SIRPA: variants seen among roughly 807,000 people sequenced by gnomAD.
SIRPA encodes the protein signal regulatory protein alpha.
A neutral mutation model predicts 50.3 loss-of-function variants in SIRPA; 9 were observed. The ratio of observed to expected loss-of-function variants is 0.18; its 90% CI spans 0.11 to 0.31. The LOEUF (loss-of-function observed/expected upper bound fraction) is 0.31. Ranked by LOEUF, SIRPA falls within the 10% of genes least tolerant of loss-of-function variation. The probability of loss-of-function intolerance (pLI) is 1.00; values close to 1 mark genes in which losing one functional copy is unlikely to be tolerated. For synonymous variants in SIRPA, 265 were observed against 284.1 expected (o/e 0.93, Z 0.68); for missense variants, 474 against 661.6 (o/e 0.72, Z 3.11).
intron 5 of SIRPA, among the ~76,000 whole-genome samples, chr20:1,926,208 C>T (rs1985967977): frequency 6.6e-6 from 1 of 152,248 alleles, no homozygotes; most frequent in South Asian, 2.1e-4. Flanking sequence ...CCCTGCTTCT[C>T]CAGAATCTGC....
intron 2 of SIRPA, 75 bp downstream of exon 2, chr20:1,915,530 C>T: frequency 6.5e-7 from 1 of 1,536,842 alleles, no homozygotes; most frequent in African/African-American, 1.4e-5. Context: ...ATTCTTTGAG[C>T]AATGATCAGG....
intron 1 of SIRPA, among the ~76,000 whole-genome samples, chr20:1,908,219 A>G (rs59317774): frequency 0.37 from 56,380 of 151,684 alleles, 10,837 homozygotes; most frequent in East Asian, 0.68. Flanking sequence ...AGCTGGACAC[A>G]CTCCCGAACA....
chr20:1,918,957 C>T (rs1437842250), intron 2 of SIRPA, among the ~76,000 whole-genome samples: 2 of 152,236 alleles, frequency 1.3e-5, no homozygotes, highest in African/African-American at 2.4e-5. Flanking sequence ...CACCATGGGC[C>T]TCAGTGTCCT....
rs1294151978 is a variant in SIRPA, at chr20:1,937,248, A to G, written c.1267-72A>G. On this transcript the variant is annotated intron_variant, in intron 7 of 7. Coordinates refer to ENST00000358771, the MANE Select transcript of SIRPA (RefSeq NM_001040023.2). This position sits in a 1 kb window ranked among gnomAD's most constrained non-coding sequence, Gnocchi z 8.3. ...ACAGAAGCATCCAGACTTGGTATTC[A>G]GTTTGAGTGAGTGGGCCAGGGGCTA... 1 of 1,535,582 alleles carries G rather than the reference A, an allele frequency of 6.5e-7. No individual in the cohort carries two copies. The highest frequency in any genetic ancestry group is 1.2e-5 in the South Asian group (1 of 81,814).
chr20:1,922,887 G>A (rs1600438421), intron 4 of SIRPA, among the ~76,000 whole-genome samples: 3 of 152,278 alleles, frequency 2.0e-5, no homozygotes, highest in African/African-American at 7.2e-5. Context: ...GGAGGAAAGA[G>A]GGAGAGAGGG....
chr20:1,912,238 C>T (rs929738858), intron 1 of SIRPA, among the ~76,000 whole-genome samples: 9 of 152,212 alleles, frequency 5.9e-5, no homozygotes, highest in South Asian at 2.1e-4. Flanking sequence ...ACATGCTGCA[C>T]GCCTGACTCC....
intron 1 of SIRPA, among the ~76,000 whole-genome samples, chr20:1,909,126 T>G (rs1429197697): frequency 6.6e-6 from 1 of 152,252 alleles, no homozygotes; most frequent in Non-Finnish European, 1.5e-5. Flanking sequence ...CGGGTATCAC[T>G]GCAGCCACTT....
intron 1 of SIRPA, among the ~76,000 whole-genome samples, chr20:1,899,700 G>A (rs1984053321): frequency 6.6e-6 from 1 of 152,114 alleles, no homozygotes; most frequent in South Asian, 2.1e-4. Context: ...TCTCCACGCA[G>A]ACACACACCC....
At chr20:1,904,224 G>T (rs769591441) in intron 1 of SIRPA, among the ~76,000 whole-genome samples, 27 of 152,228 alleles carry the variant, frequency 1.8e-4, no homozygotes, top group Non-Finnish European at 3.8e-4. Flanking sequence ...TGCCAGGAGG[G>T]ATAGGAGGAG....
chr20:1,917,041 TACGTGG>T (rs1985347958), intron 2 of SIRPA, among the ~76,000 whole-genome samples: 1 of 152,102 alleles, frequency 6.6e-6, no homozygotes, highest in Non-Finnish European at 1.5e-5. Flanking sequence ...TCACAGCAAA[TACGTGG>T]CTCAGGTGTG....
chr20:1,915,510 A>T, intron 2 of SIRPA, 55 bp downstream of exon 2: 1 of 1,581,648 alleles, frequency 6.3e-7, no homozygotes, highest in African/African-American at 1.3e-5. Flanking sequence ...ACTCAATAAT[A>T]ACACCCTCCA....
At chr20:1,912,586 A>G (rs1215821121) in intron 1 of SIRPA, among the ~76,000 whole-genome samples, 1 of 152,254 alleles carries the variant, frequency 6.6e-6, no homozygotes, top group African/African-American at 2.4e-5. Flanking sequence ...TCCAGAGAAA[A>G]TCAAATATGT....
intron 2 of SIRPA, among the ~76,000 whole-genome samples, chr20:1,920,197 T>C (rs1285472354): frequency 6.6e-6 from 1 of 152,162 alleles, no homozygotes; most frequent in Non-Finnish European, 1.5e-5. Context: ...AGTGTCCAGC[T>C]CCAGAGAAGC....
intron 1 of SIRPA, 94 bp from the exon 2 acceptor site, chr20:1,915,005 T>C: frequency 9.8e-7 from 1 of 1,021,992 alleles, no homozygotes; most frequent in Non-Finnish European, 1.5e-6. Context: ...GCTTCTGGTG[T>C]GCATCCAGTC....
Position 1,922,473 on chromosome 20 carries a change from C to T in SIRPA, c.915C>T (p.Asn305=). ...RTETASTVTE[N]KDGTYNWMSW... The stretch of plus-strand genomic sequence containing the variant: ...AAACGGCCTCAACCGTTACAGAGAA[C>T]AAGGATGGTACCTACAACTGGATGA... The change falls in exon 4 of 8, where the codon AAC becomes AAT. Residue 305 remains asparagine (N), a synonymous_variant. Transcript: ENST00000358771. 1 of 1,614,234 alleles carries T rather than the reference C, an allele frequency of 6.2e-7. No individual in the cohort carries two copies. The highest frequency in any genetic ancestry group is 8.5e-7 in the Non-Finnish European group (1 of 1,180,056).
rs1323558124 is a variant in SIRPA at position 1,933,103 on chromosome 20, G to C, written c.1227-1612G>C. On this transcript the variant is annotated intron_variant, in intron 6 of 7. Transcript: ENST00000358771. The surrounding 1 kb of genome is among the most constrained non-coding windows in gnomAD (Gnocchi z 4.4). ...GAGGCAGCAGCATGGAGCATGCAAA[G>C]GCCCTGGGGCAGCCTGACTGGCATT... 1.3e-5 allele frequency among the ~76,000 whole-genome samples: 2 copies of C among 152,198 alleles called. No individual in the cohort carries two copies. Among genetic ancestry groups the C allele is most frequent in the African/African-American group, 4.8e-5 (2 of 41,448 alleles).
chr20:1,915,574 G>A (rs911575389), intron 2 of SIRPA, 119 bp downstream of exon 2: 4 of 1,218,002 alleles, frequency 3.3e-6, no homozygotes, highest in Non-Finnish European at 4.7e-6. Context: ...ATGAATTGAT[G>A]TCTCCCCCTT....
chr20:1,923,115 C>A (rs1985767780), intron 4 of SIRPA, among the ~76,000 whole-genome samples: 1 of 152,216 alleles, frequency 6.6e-6, no homozygotes, highest in Non-Finnish European at 1.5e-5. Flanking sequence ...AGTGAACATC[C>A]TTGTGCATGT....
intron 6 of SIRPA, among the ~76,000 whole-genome samples, chr20:1,929,335 G>A (rs1986170921): frequency 6.6e-6 from 1 of 152,104 alleles, no homozygotes; most frequent in Non-Finnish European, 1.5e-5. Flanking sequence ...GGGATGGGCT[G>A]AGAAGTGCTC....
Sources: allele counts gnomAD v4.1 joint callset (sites outside exome capture counted in the v4.1 genomes callset), GRCh38; gene constraint gnomAD v4.1.1; non-coding constraint Gnocchi (gnomAD v3.1); transcripts MANE v1.5; gene names NCBI Gene and HGNC (gene_info 2026-07-23, HGNC 2026-07-21).